The following SND1 variants were observed in gnomAD, a reference collection of about 807,000 sequenced individuals.
SND1 encodes the protein staphylococcal nuclease and tudor domain containing 1.
A neutral mutation model predicts 121.7 loss-of-function variants in SND1; 38 were observed. The ratio of observed to expected loss-of-function variants is 0.31; its 90% CI spans 0.24 to 0.41. The LOEUF (loss-of-function observed/expected upper bound fraction) is 0.41, where lower values mean the gene tolerates loss of function less well. Among genes scored for constraint, SND1 ranks in the 10% least tolerant of loss-of-function variants. SND1 has a pLI of 1.00. For synonymous variants in SND1, 401 were observed against 447.4 expected (o/e 0.90, Z 1.31); for missense variants, 868 against 1,184.6 (o/e 0.73, Z 3.92).
intron 16 of SND1, chr7:127,999,292 T>G (rs1271234264): frequency 6.6e-6 from 1 of 151,878 alleles, no homozygotes; most frequent in African/African-American, 2.4e-5. Flanking sequence ...TCCCTTCCCT[T>G]CCCCTAGGGA....
At chr7:127,888,163 G>C (rs1218761164) in intron 13 of SND1, 151 bp downstream of exon 13, 2 of 564,066 alleles carry the variant, frequency 3.5e-6, no homozygotes, top group Non-Finnish European at 6.3e-6. Context: ...TGAAAAGAAG[G>C]ACACACTTTG....
intron 17 of SND1, among the ~76,000 whole-genome samples, chr7:128,080,079 G>T (rs1193289356): frequency 6.6e-6 from 1 of 152,216 alleles, no homozygotes; most frequent in Non-Finnish European, 1.5e-5. Flanking sequence ...AGGACTAAAT[G>T]AATTAATATT....
intron 12 of SND1, among the ~76,000 whole-genome samples, chr7:127,882,066 A>AAT (rs1486812905): frequency 6.6e-6 from 1 of 151,990 alleles, no homozygotes; most frequent in African/African-American, 2.4e-5. Context: ...CATCCTGGGC[A>AAT]ATATAGCAAG....
At chr7:127,663,756 C>T (rs1455531343) in intron 1 of SND1, among the ~76,000 whole-genome samples, 17 of 152,098 alleles carry the variant, frequency 1.1e-4, no homozygotes, top group Admixed American at 1.1e-3. Flanking sequence ...GGAGTAGATC[C>T]TTTTTGGCTT....
At chr7:127,908,469 G>A (rs1359288964) in intron 14 of SND1, among the ~76,000 whole-genome samples, 2 of 151,860 alleles carry the variant, frequency 1.3e-5, no homozygotes, top group African/African-American at 4.8e-5. Context: ...AGAAGTTACT[G>A]GTTTTTTGTT....
At chr7:127,825,253 G>A (rs948920110) in intron 11 of SND1, among the ~76,000 whole-genome samples, 24 of 152,236 alleles carry the variant, frequency 1.6e-4, no homozygotes, top group Admixed American at 7.8e-4. Flanking sequence ...TGGGACTACA[G>A]GCGCATGCCA....
At chr7:127,857,932 G>A in intron 12 of SND1, 1 of 1,361,452 alleles carries the variant, frequency 7.3e-7, no homozygotes, top group Non-Finnish European at 1.1e-6. Flanking sequence ...AACACCATCA[G>A]GAAAGTAGCC....
At chr7:127,886,601 C>G (rs1799913733) in intron 12 of SND1, among the ~76,000 whole-genome samples, 1 of 152,082 alleles carries the variant, frequency 6.6e-6, no homozygotes, top group Non-Finnish European at 1.5e-5. Flanking sequence ...ACCATTCTCC[C>G]TCAATAATAT....
chr7:127,914,139 G>C (rs1008887775), intron 14 of SND1, among the ~76,000 whole-genome samples: 1 of 152,130 alleles, frequency 6.6e-6, no homozygotes, highest in African/African-American at 2.4e-5. Context: ...CTATTACCCA[G>C]ATTTCTAAAT....
At chr7:127,674,587 G>C (rs1051435648) in intron 1 of SND1, among the ~76,000 whole-genome samples, 3 of 152,244 alleles carry the variant, frequency 2.0e-5, no homozygotes, top group Non-Finnish European at 2.9e-5. Context: ...TGACCAAGGG[G>C]AGTGTTTATA....
intron 16 of SND1, among the ~76,000 whole-genome samples, chr7:128,044,260 G>A (rs905332661): frequency 7.2e-5 from 11 of 152,182 alleles, no homozygotes; most frequent in Admixed American, 2.0e-4. Context: ...TTCTCCACTC[G>A]GTGTGGTCAA....
chr7:127,939,932 A>G (rs1334759012), intron 15 of SND1, among the ~76,000 whole-genome samples: 4 of 152,152 alleles, frequency 2.6e-5, no homozygotes, highest in Non-Finnish European at 5.9e-5. Flanking sequence ...TTATGCTTTC[A>G]TGTTTTAATA....
intron 15 of SND1, among the ~76,000 whole-genome samples, chr7:127,983,060 C>T (rs942338158): frequency 9.2e-5 from 14 of 152,188 alleles, no homozygotes; most frequent in African/African-American, 3.4e-4. Flanking sequence ...TTTTTGAAAT[C>T]GGCCTGGACA....
intron 17 of SND1, among the ~76,000 whole-genome samples, chr7:128,076,129 C>T (rs913113689): frequency 6.6e-6 from 1 of 152,260 alleles, no homozygotes; most frequent in Admixed American, 6.5e-5. Flanking sequence ...CAGAGCTGGG[C>T]GATCCTCTAC....
At chr7:127,684,223 G>T (rs1293267647) in intron 1 of SND1, among the ~76,000 whole-genome samples, 2 of 152,194 alleles carry the variant, frequency 1.3e-5, no homozygotes, top group Admixed American at 6.5e-5. Flanking sequence ...TCGTCAGAGA[G>T]GATGAGTTTT....
intron 12 of SND1, among the ~76,000 whole-genome samples, chr7:127,861,717 C>T (rs537106618): frequency 1.3e-5 from 2 of 152,268 alleles, no homozygotes; most frequent in South Asian, 2.1e-4. Context: ...GTGATCCACC[C>T]GCCTCGGCCT....
intron 1 of SND1, among the ~76,000 whole-genome samples, chr7:127,660,899 A>C (rs1045885079): frequency 6.6e-6 from 1 of 152,100 alleles, no homozygotes; most frequent in Non-Finnish European, 1.5e-5. Flanking sequence ...CCAGGCATTG[A>C]ATTAGAAGCT....
At chr7:127,678,986 C>CA (rs1324946793) in intron 1 of SND1, 3 of 152,214 alleles carry the variant, frequency 2.0e-5, no homozygotes, top group Admixed American at 6.5e-5. Flanking sequence ...GCTTCTTTGC[C>CA]ACTCTGACGT....
intron 10 of SND1, among the ~76,000 whole-genome samples, chr7:127,775,246 C>T (rs962043170): frequency 6.6e-6 from 1 of 152,132 alleles, no homozygotes; most frequent in Non-Finnish European, 1.5e-5. Context: ...TCTCTGACTT[C>T]TGGCTCTGAA....
Sources: allele counts gnomAD v4.1 joint callset (sites outside exome capture counted in the v4.1 genomes callset), GRCh38; gene constraint gnomAD v4.1.1; transcripts MANE v1.5; gene names NCBI Gene and HGNC (gene_info 2026-07-23, HGNC 2026-07-21).